Variants in DPP10 observed in about 807,000 individuals in gnomAD.
DPP10 encodes the protein inactive dipeptidyl peptidase 10.
DPP10 carries 33 observed loss-of-function variants against 120.9 expected under a neutral mutation model. That is an observed-to-expected ratio of 0.27 (90% confidence interval 0.21 to 0.37). The LOEUF (loss-of-function observed/expected upper bound fraction) is 0.37, where lower values mean the gene tolerates loss of function less well. Ranked by LOEUF, DPP10 falls within the 10% of genes least tolerant of loss-of-function variation. DPP10 has a pLI of 1.00. For missense variants in DPP10, 816 were observed against 942.8 expected (o/e 0.87, Z 1.76); for synonymous variants, 337 against 326.1 (o/e 1.03, Z -0.36).
At chr2:115,196,358 A>G (rs2055267889) in intron 1 of DPP10, among the ~76,000 whole-genome samples, 1 of 152,228 alleles carries the variant, frequency 6.6e-6, no homozygotes, top group African/African-American at 2.4e-5. Flanking sequence ...TAACTGGGTG[A>G]AGAATGCTGA....
At chr2:114,741,324 G>C (rs367581515) in intron 1 of DPP10, among the ~76,000 whole-genome samples, 1 of 152,180 alleles carries the variant, frequency 6.6e-6, no homozygotes, top group Non-Finnish European at 1.5e-5. Flanking sequence ...TTGCAGTTCA[G>C]GGTAATTTCT....
At chr2:114,698,291 C>T (rs1700184850) in intron 1 of DPP10, among the ~76,000 whole-genome samples, 1 of 151,976 alleles carries the variant, frequency 6.6e-6, no homozygotes, top group South Asian at 2.1e-4. Context: ...AAAATGGAGG[C>T]CTCTTGCCTG....
At chr2:115,607,815 C>T (rs1489410376) in intron 5 of DPP10, among the ~76,000 whole-genome samples, 1 of 151,932 alleles carries the variant, frequency 6.6e-6, no homozygotes, top group African/African-American at 2.4e-5. Flanking sequence ...AAGTAGACGC[C>T]TGGGTGGAAA....
chr2:115,016,785 T>A (rs1019077091), intron 1 of DPP10, among the ~76,000 whole-genome samples: 2 of 152,070 alleles, frequency 1.3e-5, no homozygotes, highest in Non-Finnish European at 2.9e-5. Context: ...CTATTCACGA[T>A]GGCAAAGACT....
intron 3 of DPP10, among the ~76,000 whole-genome samples, chr2:115,458,843 G>A (rs843419): frequency 0.97 from 147,467 of 152,272 alleles, 71,586 homozygotes; most frequent in East Asian, 1. Context: ...ACTTATATAC[G>A]TATTTAATGT....
At chr2:114,621,797 T>A (rs745583237) in intron 1 of DPP10, among the ~76,000 whole-genome samples, 4 of 151,590 alleles carry the variant, frequency 2.6e-5, no homozygotes, top group Non-Finnish European at 5.9e-5. Context: ...CCAATATTTA[T>A]TACCTCTTCT....
chr2:114,497,570 A>G (rs969654114), intron 1 of DPP10, among the ~76,000 whole-genome samples: 1 of 152,080 alleles, frequency 6.6e-6, no homozygotes, highest in Admixed American at 6.6e-5. Flanking sequence ...TTATGGGTCT[A>G]TAATTTTATT....
intron 3 of DPP10, among the ~76,000 whole-genome samples, chr2:115,462,981 C>T (rs1226352978): frequency 6.6e-6 from 1 of 152,204 alleles, no homozygotes; most frequent in South Asian, 2.1e-4. Flanking sequence ...CTGCTTGTCT[C>T]AGCCTCCGAA....
intron 1 of DPP10, among the ~76,000 whole-genome samples, chr2:114,620,563 C>A (rs924261209): frequency 6.6e-6 from 1 of 151,942 alleles, no homozygotes; most frequent in African/African-American, 2.4e-5. Flanking sequence ...TATGTGCCTG[C>A]CAATTTTTAC....
intron 19 of DPP10, among the ~76,000 whole-genome samples, chr2:115,807,805 T>C (rs1350486523): frequency 6.6e-6 from 1 of 150,940 alleles, no homozygotes; most frequent in Admixed American, 6.6e-5. Flanking sequence ...AAAAAAAACA[T>C]TAAAACATCA....
At chr2:114,730,381 A>G (rs1370443162) in intron 1 of DPP10, among the ~76,000 whole-genome samples, 1 of 152,216 alleles carries the variant, frequency 6.6e-6, no homozygotes, top group Non-Finnish European at 1.5e-5. Flanking sequence ...GTGGCTGGCT[A>G]TTCTCAGAGG....
At chr2:115,787,701 A>G (rs1683494893) in intron 17 of DPP10, among the ~76,000 whole-genome samples, 1 of 152,182 alleles carries the variant, frequency 6.6e-6, no homozygotes, top group South Asian at 2.1e-4. Context: ...AATCTGATGA[A>G]AAAGTTAAAA....
chr2:115,069,001 C>A (rs1211120153), intron 1 of DPP10, among the ~76,000 whole-genome samples: 1 of 151,958 alleles, frequency 6.6e-6, no homozygotes, highest in Non-Finnish European at 1.5e-5. Context: ...TAGTATGATG[C>A]CTTCATCATT....
At position 115,202,813 on chromosome 2, in the gene DPP10, G is replaced by A. The variant is rs182795513; in HGVS notation, c.61-106426G>A. 6.1e-4 allele frequency among the ~76,000 whole-genome samples: 93 copies of A among 152,256 alleles called. 1 individual carries two copies. The South Asian group carries it at 9.7e-3, about 16-fold the overall frequency. ...CATCAATTTTTAACTAAATTAAGTT[G>A]AAGTAGCCACACAAGTCTTCCATAT... On this transcript the variant is annotated intron_variant, in intron 1 of 25. Transcript: ENST00000410059.
At chr2:115,179,957 A>G (rs2053965253) in intron 1 of DPP10, among the ~76,000 whole-genome samples, 2 of 152,326 alleles carry the variant, frequency 1.3e-5, no homozygotes, top group South Asian at 2.1e-4. Context: ...TGTAGAGATT[A>G]TAGAGCTTTT....
intron 3 of DPP10, among the ~76,000 whole-genome samples, chr2:115,457,474 A>G (rs985031861): frequency 9.9e-5 from 15 of 152,284 alleles, no homozygotes; most frequent in Middle Eastern, 3.4e-3. Context: ...TTTTATGAAG[A>G]TCTTATATCT....
chr2:115,575,289 T>C (rs948749132), intron 5 of DPP10, among the ~76,000 whole-genome samples: 4 of 152,218 alleles, frequency 2.6e-5, no homozygotes, highest in African/African-American at 9.6e-5. Flanking sequence ...TTTGATTCAT[T>C]GGATAAAATA....
At chr2:115,508,526 T>A (rs1259530196) in intron 4 of DPP10, among the ~76,000 whole-genome samples, 1 of 152,226 alleles carries the variant, frequency 6.6e-6, no homozygotes, top group Non-Finnish European at 1.5e-5. Flanking sequence ...ATATTGCTTT[T>A]ACTTTTATTG....
At chr2:114,552,871 T>TTTTTATCTTTAATCTCAG in intron 1 of DPP10, among the ~76,000 whole-genome samples, 1 of 152,256 alleles carries the variant, frequency 6.6e-6, no homozygotes, top group South Asian at 2.1e-4. Context: ...CTATTCTCAG[T>TTTTTATCTTTAATCTCAG]TTTTATCTTT....
Sources: allele counts gnomAD v4.1 joint callset (sites outside exome capture counted in the v4.1 genomes callset), GRCh38; gene constraint gnomAD v4.1.1; transcripts MANE v1.5; gene names NCBI Gene and HGNC (gene_info 2026-07-23, HGNC 2026-07-21).